The following SMCP variants were observed in gnomAD, a reference collection of about 807,000 sequenced individuals.
The protein encoded by SMCP is sperm mitochondria associated cysteine rich protein, also known as sperm mitochondrial-associated cysteine-rich protein.
For missense variants in SMCP, 137 were observed against 137.1 expected (o/e 1.00, Z 0.01); for synonymous variants, 41 against 46.9 (o/e 0.87, Z 0.51).
At position 152,884,639 on chromosome 1, in the gene SMCP, G is replaced by A. The variant is rs1306321723; in HGVS notation, c.217G>A (p.Gly73Ser). The change falls in exon 2 of 2, where the codon GGT becomes AGT. Residue 73 changes from glycine (G) to serine (S), a missense_variant. Gly to Ser is a moderately conservative substitution (Grantham distance 56, BLOSUM62 0). Coordinates refer to ENST00000368765, the MANE Select transcript of SMCP (RefSeq NM_030663.3). Reference sequence around the variant, plus strand: ...ATGCTGCATTCAGGCCAGGTGCTGTGGTTTGGAGACCAAGCCTGAAGTCTC... The same window carrying A: ...ATGCTGCATTCAGGCCAGGTGCTGTAGTTTGGAGACCAAGCCTGAAGTCTC... ...PPCCIQARCC[G>S]LETKPEVSPL... 3 of 1,614,058 alleles carry A rather than the reference G, an allele frequency of 1.9e-6. No individual in the cohort carries two copies. The highest frequency in any genetic ancestry group is 2.7e-5 in the African/African-American group (2 of 74,912).
At chr1:152,880,502 C>T (rs2101622023) in intron 1 of SMCP, among the ~76,000 whole-genome samples, 1 of 152,212 alleles carries the variant, frequency 6.6e-6, no homozygotes, top group Non-Finnish European at 1.5e-5. Context: ...TTTGGTGTGC[C>T]TCTCCATTGC....
Position 152,882,177 on chromosome 1 carries a change from G to C in SMCP, c.-20-2226G>C, listed in dbSNP as rs139186785. Among the ~76,000 whole-genome samples, 412 of 152,144 alleles carry C rather than the reference G, an allele frequency of 2.7e-3. 1 individual carries two copies. Among genetic ancestry groups the C allele is most frequent in the African/African-American group, 9.4e-3 (388 of 41,482 alleles). On this transcript the variant is annotated intron_variant, in intron 1 of 1. Transcript: ENST00000368765. ...GTAGAGACAGGGTTTCACCATGTTG[G>C]CCAGGCTGGTTCTGAACCCCCGACC...
chr1:152,880,526 T>G (rs1648999829), intron 1 of SMCP, among the ~76,000 whole-genome samples: 1 of 152,090 alleles, frequency 6.6e-6, no homozygotes, highest in Non-Finnish European at 1.5e-5. Flanking sequence ...CCTCTCTCCT[T>G]CCTGTTCTCT....
chr1:152,881,545 G>A (rs989204188), intron 1 of SMCP, among the ~76,000 whole-genome samples: 50 of 151,216 alleles, frequency 3.3e-4, no homozygotes, highest in Non-Finnish European at 5.4e-4. Flanking sequence ...AAAATTAGCC[G>A]GGCGTGGTGG....
Sources: gnomAD v4.1 joint callset for allele counts (sites outside exome capture counted in the v4.1 genomes callset) on GRCh38, gnomAD v4.1.1 for gene constraint, MANE v1.5 for transcripts, NCBI Gene and HGNC (gene_info 2026-07-23, HGNC 2026-07-21) for gene names.